The following EPHA6 variants were observed in gnomAD, a reference collection of about 807,000 sequenced individuals.
The protein encoded by EPHA6 is EPH receptor A6.
In EPHA6, 50 loss-of-function variants were observed where a neutral mutation model predicts 112.0. The ratio of observed to expected loss-of-function variants is 0.45; its 90% CI spans 0.36 to 0.56. The LOEUF (loss-of-function observed/expected upper bound fraction) is 0.56, where lower values mean the gene tolerates loss of function less well. Ranked by LOEUF, EPHA6 falls within the 20% of genes least tolerant of loss-of-function variation. The pLI, the probability that EPHA6 is intolerant of heterozygous loss-of-function variation, is 0.00. For missense variants in EPHA6, 1,280 were observed against 1,417.4 expected (o/e 0.90, Z 1.56); for synonymous variants, 529 against 490.7 (o/e 1.08, Z -1.03).
intron 7 of EPHA6, among the ~76,000 whole-genome samples, chr3:97,459,511 A>G (rs1310961178): frequency 6.6e-6 from 1 of 152,148 alleles, no homozygotes; most frequent in African/African-American, 2.4e-5. Context: ...GCTAGTGAGG[A>G]CCATGCAATG....
At chr3:96,867,343 G>A (rs916609882) in intron 2 of EPHA6, among the ~76,000 whole-genome samples, 1 of 151,660 alleles carries the variant, frequency 6.6e-6, no homozygotes, top group Non-Finnish European at 1.5e-5. Flanking sequence ...TTTGAACTTG[G>A]TGAAAATATA....
At chr3:97,002,840 C>A (rs559092221) in intron 3 of EPHA6, among the ~76,000 whole-genome samples, 1 of 151,946 alleles carries the variant, frequency 6.6e-6, no homozygotes, top group South Asian at 2.1e-4. Context: ...GAAGAGTATT[C>A]CTGGCAGATA....
intron 15 of EPHA6, among the ~76,000 whole-genome samples, chr3:97,725,497 T>A (rs898111606): frequency 6.6e-6 from 1 of 152,092 alleles, no homozygotes; most frequent in Non-Finnish European, 1.5e-5. Context: ...GTATATTACT[T>A]TTTTGGTATA....
intron 3 of EPHA6, among the ~76,000 whole-genome samples, chr3:97,125,876 C>A (rs1411872420): frequency 1.3e-5 from 2 of 152,000 alleles, no homozygotes; most frequent in African/African-American, 4.8e-5. Flanking sequence ...TTAGAGTATT[C>A]TTTTTATTGT....
At chr3:97,662,194 C>A (rs1025795518) in intron 14 of EPHA6, among the ~76,000 whole-genome samples, 1 of 152,076 alleles carries the variant, frequency 6.6e-6, no homozygotes, top group Non-Finnish European at 1.5e-5. Flanking sequence ...GCCTCCTTTG[C>A]TTTAGGCTTA....
chr3:97,420,399 A>C (rs1430859548), intron 6 of EPHA6, among the ~76,000 whole-genome samples: 1 of 152,150 alleles, frequency 6.6e-6, no homozygotes, highest in African/African-American at 2.4e-5. Context: ...TGGAAATATA[A>C]TGAATTTTCC....
intron 3 of EPHA6, among the ~76,000 whole-genome samples, chr3:97,018,615 T>C (rs1194330633): frequency 6.6e-6 from 1 of 152,182 alleles, no homozygotes; most frequent in African/African-American, 2.4e-5. Context: ...GTACTTTCAC[T>C]AATTTGCTAC....
At chr3:96,823,409 A>G (rs1290499760) in intron 1 of EPHA6, among the ~76,000 whole-genome samples, 3 of 151,808 alleles carry the variant, frequency 2.0e-5, no homozygotes, top group East Asian at 3.9e-4. Flanking sequence ...TATATATTCA[A>G]CCATACTCTG....
At chr3:96,953,407 C>T (rs2041630691) in intron 2 of EPHA6, among the ~76,000 whole-genome samples, 1 of 152,110 alleles carries the variant, frequency 6.6e-6, no homozygotes, top group South Asian at 2.1e-4. Context: ...TTTTTCCAGC[C>T]GTTTAAAATT....
At chr3:96,848,564 A>G (rs2035211102) in intron 1 of EPHA6, among the ~76,000 whole-genome samples, 1 of 152,014 alleles carries the variant, frequency 6.6e-6, no homozygotes, top group African/African-American at 2.4e-5. Flanking sequence ...GATGGAGGTT[A>G]TAGTGGGCTG....
Position 97,492,900 on chromosome 3 carries a change from G to A in EPHA6, c.2200+8841G>A, listed in dbSNP as rs1010765490. 3.0e-4 allele frequency among the ~76,000 whole-genome samples: 46 copies of A among 151,226 alleles called. 1 individual carries two copies. Among genetic ancestry groups the A allele is most frequent in the African/African-American group, 3.9e-4 (16 of 41,244 alleles). ...GTGGAGATTAAGAGGAATTTAGGAC[G>A]TTTTCAAGTATTTAGAGCTTGATGA... is the stretch of plus-strand genomic sequence containing the variant. On this transcript the variant is annotated intron_variant, in intron 10 of 17. Transcript: ENST00000389672.
At chr3:96,842,064 C>G (rs1056994378) in intron 1 of EPHA6, among the ~76,000 whole-genome samples, 1 of 152,072 alleles carries the variant, frequency 6.6e-6, no homozygotes, top group East Asian at 1.9e-4. Context: ...AATACCTACC[C>G]TTCTTCAGAT....
intron 6 of EPHA6, among the ~76,000 whole-genome samples, chr3:97,425,750 G>T (rs929811549): frequency 6.6e-6 from 1 of 152,108 alleles, no homozygotes; most frequent in East Asian, 1.9e-4. Flanking sequence ...GCATTGTCAG[G>T]CTGCAAATTT....
intron 5 of EPHA6, among the ~76,000 whole-genome samples, chr3:97,353,590 C>G (rs2083916145): frequency 6.6e-6 from 1 of 151,994 alleles, no homozygotes. Flanking sequence ...GGCTTGGGTG[C>G]CAATGTAGCT....
chr3:96,990,019 G>C (rs1427890465), intron 3 of EPHA6, among the ~76,000 whole-genome samples: 1 of 152,146 alleles, frequency 6.6e-6, no homozygotes, highest in Non-Finnish European at 1.5e-5. Flanking sequence ...GTACAGACAT[G>C]TAATATGTGT....
rs373647436 is a variant in EPHA6 at position 97,088,902 on chromosome 3, G to C, written c.1114+100909G>C. Among the ~76,000 whole-genome samples the C allele has an allele frequency of 2.6e-5, 4 of 152,226 alleles. No individual in the cohort carries two copies. In the East Asian group the frequency reaches 7.7e-4, roughly 29 times the overall value. ...AAAGCAGAATCTAGGTGTGATACTC[G>C]AGACGCTAAGGAAGTTTGGGAAAAG... On this transcript the variant is annotated intron_variant, in intron 3 of 17. Coordinates refer to ENST00000389672, the MANE Select transcript of EPHA6 (RefSeq NM_001080448.3).
chr3:97,106,489 C>T (rs1381846664), intron 3 of EPHA6, among the ~76,000 whole-genome samples: 1 of 152,098 alleles, frequency 6.6e-6, no homozygotes, highest in Non-Finnish European at 1.5e-5. Flanking sequence ...AGCAGCCTGA[C>T]TCCAGGGGAA....
intron 11 of EPHA6, among the ~76,000 whole-genome samples, chr3:97,586,626 G>C (rs1027900691): frequency 6.6e-6 from 1 of 152,096 alleles, no homozygotes; most frequent in South Asian, 2.1e-4. Flanking sequence ...GACAAAGTAA[G>C]GATAAATGAA....
intron 11 of EPHA6, among the ~76,000 whole-genome samples, chr3:97,557,277 T>C (rs1452304359): frequency 1.3e-5 from 2 of 152,038 alleles, no homozygotes; most frequent in African/African-American, 2.4e-5. Flanking sequence ...CTGGGTATCA[T>C]TTTAATATTT....
Sources: allele counts gnomAD v4.1 joint callset (sites outside exome capture counted in the v4.1 genomes callset), GRCh38; gene constraint gnomAD v4.1.1; transcripts MANE v1.5; gene names NCBI Gene and HGNC (gene_info 2026-07-23, HGNC 2026-07-21).